The following PACSIN1 variants were observed in gnomAD, a reference collection of about 807,000 sequenced individuals.
PACSIN1 encodes protein kinase C and casein kinase substrate in neurons protein 1.
In PACSIN1, 15 loss-of-function variants were observed where a neutral mutation model predicts 59.5. That is an observed-to-expected ratio of 0.25 (90% CI 0.17 to 0.39). PACSIN1 has a LOEUF of 0.39. Ranked by LOEUF, PACSIN1 falls within the 10% of genes least tolerant of loss-of-function variation. The probability of loss-of-function intolerance (pLI) is 1.00; values close to 1 mark genes in which losing one functional copy is unlikely to be tolerated. For synonymous variants in PACSIN1, 210 were observed against 220.6 expected (o/e 0.95, Z 0.42); for missense variants, 420 against 580.2 (o/e 0.72, Z 2.84).
At chr6:34,527,522 A>C in intron 3 of PACSIN1, 34 bp downstream of exon 3, 1 of 1,547,292 alleles carries the variant, frequency 6.5e-7, no homozygotes, top group Non-Finnish European at 8.7e-7. Context: ...GCGCGCCCCC[A>C]GGCCGTCACG....
intron 1 of PACSIN1, among the ~76,000 whole-genome samples, chr6:34,507,120 GTTT>G (rs1767128068): frequency 6.6e-6 from 1 of 152,068 alleles, no homozygotes; most frequent in Non-Finnish European, 1.5e-5. Context: ...TCTATTTTTT[GTTT>G]TTGTTTTATT....
intron 1 of PACSIN1, among the ~76,000 whole-genome samples, chr6:34,484,618 T>C (rs972702964): frequency 6.6e-6 from 1 of 152,042 alleles, no homozygotes; most frequent in Non-Finnish European, 1.5e-5. Flanking sequence ...GTGATAATGA[T>C]GTGTCAGTGT....
At chr6:34,511,691 C>T (rs1451295902) in intron 1 of PACSIN1, among the ~76,000 whole-genome samples, 3 of 152,202 alleles carry the variant, frequency 2.0e-5, no homozygotes, top group Non-Finnish European at 4.4e-5. Flanking sequence ...CTGGCCAGCC[C>T]TGCCTGTTGT....
chr6:34,470,542 G>T (rs1035298965), intron 1 of PACSIN1, among the ~76,000 whole-genome samples: 1 of 151,744 alleles, frequency 6.6e-6, no homozygotes, highest in African/African-American at 2.4e-5. Context: ...TAGAGGCAGG[G>T]TCTTGCTCTG....
At chr6:34,528,915 G>GCCGGGGGGGGGGGGGGGGGGC in intron 4 of PACSIN1, 38 bp downstream of exon 4, 7 of 653,162 alleles carry the variant, frequency 1.1e-5, no homozygotes, top group East Asian at 4.3e-5. Flanking sequence ...GGTGGGGTGG[G>GCCGGGGGGGGGGGGGGGGGGC]CCCGTCTGAT....
At position 34,529,942 on chromosome 6, in the gene PACSIN1, G is replaced by A. The variant is rs920757152; in HGVS notation, c.788+101G>A. The A allele has an allele frequency of 2.1e-5, 28 of 1,323,630 alleles. No individual in the cohort carries two copies. In the East Asian group the frequency reaches 6.2e-4, roughly 29 times the overall value. 82.0% of individuals were successfully genotyped at this position (1,323,630 alleles called of 1,614,324 possible). ...CCCTCCATCACAGTGACGGGAAGGG[G>A]AGGCAGAGCTGCAGGGGTCAAGAAG... On this transcript the variant is annotated intron_variant, in intron 6 of 9. Coordinates refer to ENST00000244458, the MANE Select transcript of PACSIN1 (RefSeq NM_020804.5). The surrounding 1 kb of genome is among the most constrained non-coding windows in gnomAD (Gnocchi z 6.3).
chr6:34,530,014 C>T lies in PACSIN1; in HGVS notation c.788+173C>T, dbSNP rs376079184. ...GCTGTTGAGTGCAAGCTGACGCACACTGGGTACTCTAGAAACACATGCTGG... is the reference window on the plus strand; with the variant it reads ...GCTGTTGAGTGCAAGCTGACGCACATTGGGTACTCTAGAAACACATGCTGG... On this transcript the variant is annotated intron_variant, in intron 6 of 9. Coordinates refer to ENST00000244458, the MANE Select transcript of PACSIN1 (RefSeq NM_020804.5). The surrounding 1 kb of genome is among the most constrained non-coding windows in gnomAD (Gnocchi z 4.4). Among the ~76,000 whole-genome samples the T allele has an allele frequency of 1.3e-5, 2 of 152,262 alleles. No homozygotes were observed. The highest frequency in any genetic ancestry group is 3.9e-4 in the East Asian group (2 of 5,170).
chr6:34,502,846 A>T (rs1767046023), intron 1 of PACSIN1, among the ~76,000 whole-genome samples: 1 of 152,192 alleles, frequency 6.6e-6, no homozygotes, highest in South Asian at 2.1e-4. Context: ...CAGTCAATCC[A>T]CAGAGTCATC....
At position 34,529,774 on chromosome 6, in the gene PACSIN1, C is replaced by A. The variant is rs775438498; in HGVS notation, c.721C>A (p.Arg241=). ...GCAATGCCAGCAATTTGAGGAAAAG[C>A]GGCTGGTCTTCCTCAAGGAGGTGCT... ...FEQCQQFEEK[R]LVFLKEVLLD... The change falls in exon 6 of 10, where the codon CGG becomes AGG. Residue 241 remains arginine (R), a synonymous_variant. Transcript: ENST00000244458. This position sits in a 1 kb window ranked among gnomAD's most constrained non-coding sequence, Gnocchi z 6.3. 2 of 1,613,996 alleles carry A rather than the reference C, an allele frequency of 1.2e-6. No homozygotes were observed. Among genetic ancestry groups the A allele is most frequent in the Admixed American group, 3.3e-5 (2 of 60,016 alleles).
chr6:34,520,927 G>T (rs540015121), intron 1 of PACSIN1, among the ~76,000 whole-genome samples: 1 of 152,158 alleles, frequency 6.6e-6, no homozygotes, highest in Non-Finnish European at 1.5e-5. Flanking sequence ...TTGGCTGGGC[G>T]CCCACTGTGT....
chr6:34,519,774 C>T (rs776891289), intron 1 of PACSIN1, among the ~76,000 whole-genome samples: 8 of 152,074 alleles, frequency 5.3e-5, no homozygotes, highest in Non-Finnish European at 8.8e-5. Flanking sequence ...ATGAGGAAAC[C>T]GAGGCACAGA....
intron 1 of PACSIN1, among the ~76,000 whole-genome samples, chr6:34,498,325 G>A (rs2127256773): frequency 1.3e-5 from 2 of 152,230 alleles, no homozygotes; most frequent in East Asian, 1.9e-4. Context: ...CTCCCAAAGT[G>A]CTAGGATTAC....
rs1767473964 is a variant in PACSIN1 at position 34,525,957 on chromosome 6, A to C, written c.-63-286A>C. On this transcript the variant is annotated intron_variant, in intron 1 of 9. Coordinates refer to ENST00000244458, the MANE Select transcript of PACSIN1 (RefSeq NM_020804.5). This position sits in a 1 kb window ranked among gnomAD's most constrained non-coding sequence, Gnocchi z 4.9. ...TGGGCTCCAACAGTCCAGGAGAGAGAGCCAGCTCTGGGGGCTGGGGCTGGC... is the reference window on the plus strand; with the variant it reads ...TGGGCTCCAACAGTCCAGGAGAGAGCGCCAGCTCTGGGGGCTGGGGCTGGC... Among the ~76,000 whole-genome samples, 1 of 151,882 alleles carries C rather than the reference A, an allele frequency of 6.6e-6. No homozygotes were observed. Among genetic ancestry groups the C allele is most frequent in the Admixed American group, 6.5e-5 (1 of 15,286 alleles).
rs369292431 is a variant in PACSIN1, at chr6:34,530,285, G to T, written c.831G>T (p.Gly277=). ...VYRELEQAIR[G]ADAQEDLRWF... ...GTGAGCTGGAGCAGGCCATCCGGGG[G>T]GCTGATGCCCAGGAAGACCTCAGAT... The change falls in exon 7 of 10, where the codon GGG becomes GGT. Residue 277 remains glycine (G), a synonymous_variant. Coordinates refer to ENST00000244458, the MANE Select transcript of PACSIN1 (RefSeq NM_020804.5). This position sits in a 1 kb window ranked among gnomAD's most constrained non-coding sequence, Gnocchi z 4.4. The T allele has an allele frequency of 6.2e-7, 1 of 1,614,100 alleles. No individual in the cohort carries two copies. Among genetic ancestry groups the T allele is most frequent in the Admixed American group, 1.7e-5 (1 of 60,012 alleles).
chr6:34,523,647 C>G (rs1348710645), intron 1 of PACSIN1, among the ~76,000 whole-genome samples: 3 of 152,216 alleles, frequency 2.0e-5, no homozygotes, highest in Admixed American at 2.0e-4. Context: ...TGCCAGGTGA[C>G]AGCCACATCC....
intron 1 of PACSIN1, among the ~76,000 whole-genome samples, chr6:34,520,440 C>T (rs1767369257): frequency 6.6e-6 from 1 of 152,156 alleles, no homozygotes; most frequent in Non-Finnish European, 1.5e-5. Flanking sequence ...TGGAGTGACA[C>T]CCACAGACAG....
chr6:34,486,057 C>T (rs1186738271), intron 1 of PACSIN1, among the ~76,000 whole-genome samples: 4 of 152,142 alleles, frequency 2.6e-5, no homozygotes, highest in Admixed American at 6.5e-5. Context: ...GCATGATTCT[C>T]TCTGGGTGGG....
In PACSIN1 at chr6:34,480,227, C is replaced by CTTTT. The variant is rs67633521; in HGVS notation, c.-64+13969_-64+13972dup. Among the ~76,000 whole-genome samples the CTTTT allele has an allele frequency of 1.3e-4, 18 of 133,630 alleles. No individual in the cohort carries two copies. In the South Asian group the frequency reaches 2.4e-3, roughly 18 times the overall value. 87.7% of individuals were successfully genotyped at this position (133,630 alleles called of 152,430 possible). On this transcript the variant is annotated intron_variant, in intron 1 of 9. Coordinates refer to ENST00000244458, the MANE Select transcript of PACSIN1 (RefSeq NM_020804.5). The stretch of plus-strand genomic sequence containing the variant: ...TTCATTTTCTTTTCCTTCTTTCTTT[C>CTTTT]TTTTTTTTTTTTTTTGAGAAAGGAT...
intron 1 of PACSIN1, among the ~76,000 whole-genome samples, chr6:34,492,283 C>T (rs1237978005): frequency 2.1e-5 from 3 of 145,840 alleles, no homozygotes; most frequent in Non-Finnish European, 4.5e-5. Flanking sequence ...CTCATTGCAA[C>T]CTCTGCCTCC....
Sources: allele counts gnomAD v4.1 joint callset (sites outside exome capture counted in the v4.1 genomes callset), GRCh38; gene constraint gnomAD v4.1.1; non-coding constraint Gnocchi (gnomAD v3.1); transcripts MANE v1.5; gene names NCBI Gene and HGNC (gene_info 2026-07-23, HGNC 2026-07-21).